SMPDL3A: variants seen among roughly 807,000 people sequenced by gnomAD.
SMPDL3A encodes the protein cyclic GMP-AMP phosphodiesterase SMPDL3A.
SMPDL3A carries 39 observed loss-of-function variants against 38.5 expected under a neutral mutation model. That is an observed-to-expected ratio of 1.01 (90% CI 0.78 to 1.32). The LOEUF is 1.32. Ranked by LOEUF, SMPDL3A falls within the 40% of genes most tolerant of loss-of-function variation. SMPDL3A has a pLI of 0.00. For missense variants in SMPDL3A, 502 were observed against 536.2 expected (o/e 0.94, Z 0.63); for synonymous variants, 180 against 194.3 (o/e 0.93, Z 0.61).
intron 4 of SMPDL3A, among the ~76,000 whole-genome samples, chr6:122,802,195 C>CTTT (rs3031702): frequency 4.0e-5 from 5 of 123,556 alleles, no homozygotes; most frequent in African/African-American, 5.8e-5. Flanking sequence ...TATATCTAGT[C>CTTT]TTTTTTTTTT....
chr6:122,799,085 C>T (rs1027370903), intron 3 of SMPDL3A, among the ~76,000 whole-genome samples: 1 of 152,152 alleles, frequency 6.6e-6, no homozygotes, highest in Non-Finnish European at 1.5e-5. Flanking sequence ...CACTGAAATT[C>T]TATGTTCATG....
intron 4 of SMPDL3A, among the ~76,000 whole-genome samples, chr6:122,802,052 T>C (rs1475168184): frequency 1.3e-5 from 2 of 152,188 alleles, no homozygotes; most frequent in African/African-American, 4.8e-5. Context: ...CTTCTTTCGG[T>C]ATTTTTGTTA....
In SMPDL3A at chr6:122,789,365, C is replaced by G; in HGVS notation, c.19C>G (p.Leu7Val). The G allele has an allele frequency of 6.5e-7, 1 of 1,547,516 alleles. No individual in the cohort carries two copies. The highest frequency in any genetic ancestry group is 8.7e-7 in the Non-Finnish European group (1 of 1,145,890). ...GCCCTCCATGGCGCTGGTGCGCGCACTCGTCTGCTGCCTGCTGACTGCCTG... is the reference window on the plus strand; with the variant it reads ...GCCCTCCATGGCGCTGGTGCGCGCAGTCGTCTGCTGCCTGCTGACTGCCTG... MALVRA[L>V]VCCLLTAWHC... The change falls in exon 1 of 8, where the codon CTC becomes GTC. Residue 7 changes from leucine to valine, a missense_variant. By Grantham distance (32) the Leu-to-Val change is conservative. Coordinates refer to ENST00000368440, the MANE Select transcript of SMPDL3A (RefSeq NM_006714.5).
At position 122,795,833 on chromosome 6, in the gene SMPDL3A, C is replaced by T; in HGVS notation, c.269C>T (p.Ser90Leu). 1 of 1,614,044 alleles carries T rather than the reference C, an allele frequency of 6.2e-7. No individual in the cohort carries two copies. The highest frequency in any genetic ancestry group is 8.5e-7 in the Non-Finnish European group (1 of 1,180,004). Residue 90 changes from serine (S) to leucine (L), a missense_variant, in exon 2 of 8, where the codon TCA becomes TTA. Coordinates refer to ENST00000368440, the MANE Select transcript of SMPDL3A (RefSeq NM_006714.5). ...GATTCTCCATATCAACTTATTTTGT[C>T]AGCATTTGATTTTATTAAAAATTCT... ...LCDSPYQLIL[S>L]AFDFIKNSGQ...
chr6:122,796,868 CTG>C lies in SMPDL3A; in HGVS notation c.373_374del (p.Val125TyrfsTer6). The C allele has an allele frequency of 8.7e-6, 14 of 1,612,888 alleles. No homozygotes were observed. Among genetic ancestry groups the C allele is most frequent in the Non-Finnish European group, 1.2e-5 (14 of 1,179,046 alleles). ...CCTGTACCTGAACTCTCAACAGACA[CTG>C]TTATAAATGTGATCACTAATATGAC... On this transcript the variant is annotated frameshift_variant, in exon 3 of 8. Transcript: ENST00000368440. LOFTEE classifies it high-confidence loss of function.
At position 122,796,978 on chromosome 6, in the gene SMPDL3A, A is replaced by T; in HGVS notation, c.471+10A>T. The T allele has an allele frequency of 6.2e-7, 1 of 1,606,364 alleles. No individual in the cohort carries two copies. Reference sequence around the variant, plus strand: ...TGACTATTGGCCACAGGTAAATTTGATAGACTTTCAGAAATGCTTAAAGAA... The same window carrying T: ...TGACTATTGGCCACAGGTAAATTTGTTAGACTTTCAGAAATGCTTAAAGAA... On this transcript the variant is annotated intron_variant, in intron 3 of 7. Coordinates refer to ENST00000368440, the MANE Select transcript of SMPDL3A (RefSeq NM_006714.5).
intron 3 of SMPDL3A, 110 bp from the exon 4 acceptor site, chr6:122,801,200 T>G: frequency 2.7e-6 from 2 of 735,488 alleles, no homozygotes; most frequent in South Asian, 1.7e-5. Flanking sequence ...CTAATAATCA[T>G]CCTTGCATCT....
At position 122,809,124 on chromosome 6, in the gene SMPDL3A, G is replaced by C; in HGVS notation, c.1078G>C (p.Ala360Pro). Residue 360 changes from alanine (A) to proline (P), a missense_variant, in exon 8 of 8, where the codon GCG (alanine) becomes CCG (proline). Coordinates refer to ENST00000368440, the MANE Select transcript of SMPDL3A (RefSeq NM_006714.5). ...MLQYYLNLTE[A>P]NLKGESIWKL... ...GCAGTATTACTTGAATCTGACAGAG[G>C]CGAATCTAAAGGGAGAGTCCATCTG... The C allele has an allele frequency of 6.2e-7, 1 of 1,614,104 alleles. No individual in the cohort carries two copies. The highest frequency in any genetic ancestry group is 1.1e-5 in the South Asian group (1 of 91,086).
chr6:122,791,835 A>T (rs1295186936), intron 1 of SMPDL3A, among the ~76,000 whole-genome samples: 1 of 152,052 alleles, frequency 6.6e-6, no homozygotes, highest in Non-Finnish European at 1.5e-5. Flanking sequence ...CTGGGACTAC[A>T]GGCGCCCGCC....
rs567229906 is a variant in SMPDL3A, at chr6:122,805,181, C to T, written c.919+92C>T. 2.7e-5 allele frequency: 30 copies of T among 1,102,228 alleles called. No individual in the cohort carries two copies. The African/African-American group carries it at 2.7e-4, about 10-fold the overall frequency. The allele number at this position is 1,102,228 out of a possible 1,614,324, so 68.3% of individuals were successfully genotyped here. ...AAATTTGCTGATTTAGTAAATTAAA[C>T]GTTTTATTTAAAAATCTGCCAGCAT... On this transcript the variant is annotated intron_variant, in intron 6 of 7. Transcript: ENST00000368440.
chr6:122,792,040 G>A (rs1781095788), intron 1 of SMPDL3A, among the ~76,000 whole-genome samples: 1 of 152,214 alleles, frequency 6.6e-6, no homozygotes, highest in African/African-American at 2.4e-5. Context: ...ACGTGCTGTA[G>A]TAAACAGAAC....
chr6:122,803,283 A>G (rs1431266302), intron 4 of SMPDL3A, among the ~76,000 whole-genome samples: 1 of 151,992 alleles, frequency 6.6e-6, no homozygotes, highest in Non-Finnish European at 1.5e-5. Flanking sequence ...CATTTTTTGG[A>G]TTTTATATTT....
Position 122,804,982 on chromosome 6 carries a change from A to G in SMPDL3A, c.812A>G (p.Tyr271Cys), listed in dbSNP as rs1313103384. Reference protein sequence around the residue: ...SQNITAMREYYNEKLIDIFQK... With the variant: ...SQNITAMREYCNEKLIDIFQK... ...AACATCACAGCAATGAGAGAATACT[A>G]TAATGAGAAATTGATAGATATTTTT... The change falls in exon 6 of 8, where the codon TAT becomes TGT. Residue 271 changes from tyrosine to cysteine, a missense_variant. Coordinates refer to ENST00000368440, the MANE Select transcript of SMPDL3A (RefSeq NM_006714.5). 1 of 1,613,542 alleles carries G rather than the reference A, an allele frequency of 6.2e-7. No individual in the cohort carries two copies. Among genetic ancestry groups the G allele is most frequent in the South Asian group, 1.1e-5 (1 of 90,830 alleles).
intron 4 of SMPDL3A, among the ~76,000 whole-genome samples, chr6:122,803,243 G>A (rs1238326417): frequency 1.3e-5 from 2 of 152,092 alleles, no homozygotes; most frequent in African/African-American, 4.8e-5. Flanking sequence ...TTTTTTCCGA[G>A]TAGTCTCTAG....
rs1781551468 is a variant in SMPDL3A at position 122,804,907 on chromosome 6, A to G, written c.739-2A>G. On this transcript the variant is annotated splice_acceptor_variant, in intron 5 of 7. Coordinates refer to ENST00000368440, the MANE Select transcript of SMPDL3A (RefSeq NM_006714.5). LOFTEE classifies it high-confidence loss of function. ...GAGGCCTTTTTGTGTTTCTTTTTCC[A>G]GGTGTATATCATAGCACATGTTCCA... 5 of 1,592,550 alleles carry G rather than the reference A, an allele frequency of 3.1e-6. No individual in the cohort carries two copies. In the East Asian group the frequency reaches 1.1e-4, roughly 36 times the overall value.
At chr6:122,798,795 C>T (rs1371092841) in intron 3 of SMPDL3A, among the ~76,000 whole-genome samples, 2 of 151,668 alleles carry the variant, frequency 1.3e-5, no homozygotes, top group African/African-American at 4.8e-5. Context: ...AGAAATGCTA[C>T]CTAACTTCTA....
chr6:122,803,568 C>A, intron 4 of SMPDL3A, 96 bp from the exon 5 acceptor site: 1 of 840,258 alleles, frequency 1.2e-6, no homozygotes, highest in Non-Finnish European at 1.9e-6. Flanking sequence ...TAAGCACCAA[C>A]CTCCTGACTG....
At position 122,805,047 on chromosome 6, in the gene SMPDL3A, C is replaced by G. The variant is rs200506289; in HGVS notation, c.877C>G (p.His293Asp). 1 of 1,612,618 alleles carries G rather than the reference C, an allele frequency of 6.2e-7. No homozygotes were observed. The highest frequency in any genetic ancestry group is 1.3e-5 in the African/African-American group (1 of 74,968). Residue 293 changes from histidine to aspartate, a missense_variant, in exon 6 of 8, where the codon CAC (histidine) becomes GAC (aspartate). Coordinates refer to ENST00000368440, the MANE Select transcript of SMPDL3A (RefSeq NM_006714.5). ...TGTCATTGCAGGACAATTTTATGGA[C>G]ACACTCACAGAGACAGCATTATGGT... is the stretch of plus-strand genomic sequence containing the variant. The part of the protein sequence containing the change: ...SDVIAGQFYG[H>D]THRDSIMVLS...
intron 5 of SMPDL3A, among the ~76,000 whole-genome samples, chr6:122,804,504 T>C (rs1480704899): frequency 1.3e-5 from 2 of 151,804 alleles, no homozygotes; most frequent in African/African-American, 4.8e-5. Flanking sequence ...AGAGACAAGA[T>C]TTCACCATGA....
Sources: allele counts gnomAD v4.1 joint callset (sites outside exome capture counted in the v4.1 genomes callset), GRCh38; gene constraint gnomAD v4.1.1; transcripts MANE v1.5; gene names NCBI Gene and HGNC (gene_info 2026-07-23, HGNC 2026-07-21).